TMEM170A: variants seen among roughly 807,000 people sequenced by gnomAD.
TMEM170A encodes transmembrane protein 170.
Under a neutral mutation model 12.8 loss-of-function variants are expected in TMEM170A, and 18 were observed. The ratio of observed to expected loss-of-function variants is 1.41; its 90% CI spans 0.97 to 2.09. The LOEUF (loss-of-function observed/expected upper bound fraction) is 2.09. TMEM170A is among the 30% of genes most tolerant of loss of function. The pLI is 0.00. For missense variants in TMEM170A, 220 were observed against 179.9 expected (o/e 1.22, Z -1.28); for synonymous variants, 107 against 76.2 (o/e 1.40, Z -2.11).
rs1022565869 is a variant in TMEM170A at position 75,464,679 on chromosome 16, G to A, written c.-79C>T. On this transcript the variant is annotated 5_prime_UTR_variant, in exon 1 of 3. Coordinates refer to ENST00000561878, the MANE Select transcript of TMEM170A (RefSeq NM_145254.3). Reference sequence around the variant, plus strand: ...CGGCCGGCGCCGACTCACCCTCGCCGCCTCAGCGTCACCTCCAGCCGGGGT... The same window carrying A: ...CGGCCGGCGCCGACTCACCCTCGCCACCTCAGCGTCACCTCCAGCCGGGGT... 45 of 1,504,944 alleles carry A rather than the reference G, an allele frequency of 3.0e-5. No homozygotes were observed. Among genetic ancestry groups the A allele is most frequent in the Non-Finnish European group, 3.7e-5 (42 of 1,134,550 alleles). 93.2% of individuals were successfully genotyped at this position (1,504,944 alleles called of 1,614,324 possible). A position where few individuals can be genotyped will look rare whatever the true frequency, so the allele number is the denominator to read the frequency against.
At position 75,464,641 on chromosome 16, in the gene TMEM170A, C is replaced by A; in HGVS notation, c.-41G>T. On this transcript the variant is annotated 5_prime_UTR_variant, in exon 1 of 3. Coordinates refer to ENST00000561878, the MANE Select transcript of TMEM170A (RefSeq NM_145254.3). ...CACAGAGAAATGAGGGACGAGCGCCCGAAGTGCGGTAGCGGCCGGCGCCGA... is the reference window on the plus strand; with the variant it reads ...CACAGAGAAATGAGGGACGAGCGCCAGAAGTGCGGTAGCGGCCGGCGCCGA... The A allele has an allele frequency of 6.4e-7, 1 of 1,551,552 alleles. No homozygotes were observed. The highest frequency in any genetic ancestry group is 8.7e-7 in the Non-Finnish European group (1 of 1,154,848).
chr16:75,453,743 G>A (rs1010099531), intron 1 of TMEM170A, among the ~76,000 whole-genome samples: 7 of 152,312 alleles, frequency 4.6e-5, no homozygotes, highest in Non-Finnish European at 8.8e-5. Context: ...AACAGTGCAG[G>A]TTAGGAGAGC....
intron 2 of TMEM170A, 99 bp from the exon 3 acceptor site, chr16:75,447,787 C>T (rs2079614023): frequency 7.6e-7 from 1 of 1,317,022 alleles, no homozygotes; most frequent in African/African-American, 1.5e-5. Context: ...GTAGAATGTT[C>T]CAGATTTTAT....
At chr16:75,451,491 G>A (rs868541192) in intron 2 of TMEM170A, 178 bp downstream of exon 2, 13 of 653,570 alleles carry the variant, frequency 2.0e-5, no homozygotes, top group Middle Eastern at 4.2e-4. Context: ...GGAGGCTGCA[G>A]TGAGCCAATA....
rs1454864191 is a variant in TMEM170A at position 75,444,506 on chromosome 16, A to G, written c.*3052T>C. 6.6e-6 allele frequency: 1 copy of G among 152,198 alleles called. No individual in the cohort carries two copies. Among genetic ancestry groups the G allele is most frequent in the Non-Finnish European group, 1.5e-5 (1 of 68,020 alleles). The allele number at this position is 152,198 out of a possible 1,614,324, so 9.4% of individuals were successfully genotyped here. A position where few individuals can be genotyped will look rare whatever the true frequency, so the allele number is the denominator to read the frequency against. On this transcript the variant is annotated 3_prime_UTR_variant, in exon 3 of 3. Coordinates refer to ENST00000561878, the MANE Select transcript of TMEM170A (RefSeq NM_145254.3). The stretch of plus-strand genomic sequence containing the variant: ...GCACAGCTGGGGGAGGATATTTCTA[A>G]GAAATCAGTTTTTGGCAAAAATTCT...
chr16:75,447,729 G>A (rs569865543), intron 2 of TMEM170A, 41 bp from the exon 3 acceptor site: 26 of 1,558,656 alleles, frequency 1.7e-5, no homozygotes, highest in African/African-American at 1.6e-4. Flanking sequence ...AACAAAAAAC[G>A]AAGGTTAACA....
Position 75,464,575 on chromosome 16 carries a change from C to T in TMEM170A, c.26G>A (p.Ser9Asn), listed in dbSNP as rs756987083. 6.3e-7 allele frequency: 1 copy of T among 1,586,882 alleles called. No individual in the cohort carries two copies. Among genetic ancestry groups the T allele is most frequent in the Non-Finnish European group, 8.6e-7 (1 of 1,169,574 alleles). MEREGSGG[S>N]GGSAGLLQQI... ...CTGCAGGAGCCCGGCCGACCCGCCG[C>T]TGCCGCCGCTCCCCTCGCGCTCCAT... The change falls in exon 1 of 3, where the codon AGC becomes AAC. Residue 9 changes from serine (S) to asparagine (N), a missense_variant. Transcript: ENST00000561878.
chr16:75,461,112 G>A (rs573938385), intron 1 of TMEM170A, among the ~76,000 whole-genome samples: 1 of 152,116 alleles, frequency 6.6e-6, no homozygotes, highest in African/African-American at 2.4e-5. Flanking sequence ...GGAGTGCAGT[G>A]GCATGATGTC....
chr16:75,452,920 T>C (rs921100964), intron 1 of TMEM170A, among the ~76,000 whole-genome samples: 6 of 152,202 alleles, frequency 3.9e-5, no homozygotes, highest in Non-Finnish European at 8.8e-5. Context: ...ACAAGAGTTT[T>C]GCACACACAT....
intron 2 of TMEM170A, among the ~76,000 whole-genome samples, chr16:75,448,632 C>T (rs1202919455): frequency 6.6e-6 from 1 of 151,950 alleles, no homozygotes; most frequent in Non-Finnish European, 1.5e-5. Context: ...AGTGTGGTGG[C>T]ACGTGCCTGT....
chr16:75,460,511 A>G (rs920964673), intron 1 of TMEM170A, among the ~76,000 whole-genome samples: 1 of 152,096 alleles, frequency 6.6e-6, no homozygotes, highest in Non-Finnish European at 1.5e-5. Context: ...CCTAGAACAC[A>G]TGCTCTTCCC....
Position 75,464,546 on chromosome 16 carries a change from T to G in TMEM170A, c.55A>C (p.Ile19Leu). ...CGCGGCACAACCTTCAGGCTCAGGA[T>G]CTGCTGCAGGAGCCCGGCCGACCCG... is the stretch of plus-strand genomic sequence containing the variant. ...SGGSAGLLQQ[I>L]LSLKVVPRVG... The change falls in exon 1 of 3, where the codon ATC becomes CTC. Residue 19 changes from isoleucine to leucine, a missense_variant. Ile to Leu is a conservative substitution (Grantham distance 5). Coordinates refer to ENST00000561878, the MANE Select transcript of TMEM170A (RefSeq NM_145254.3). 3.8e-6 allele frequency: 6 copies of G among 1,588,894 alleles called. No individual in the cohort carries two copies. Among genetic ancestry groups the G allele is most frequent in the Non-Finnish European group, 5.1e-6 (6 of 1,170,150 alleles).
rs1278128587 is a variant in TMEM170A, at chr16:75,454,892, C to A, written c.134-3053G>T. 3.9e-5 allele frequency among the ~76,000 whole-genome samples: 6 copies of A among 152,150 alleles called. No homozygotes were observed. In the East Asian group the frequency reaches 1.2e-3, roughly 29 times the overall value. On this transcript the variant is annotated intron_variant, in intron 1 of 2. Coordinates refer to ENST00000561878, the MANE Select transcript of TMEM170A (RefSeq NM_145254.3). ...GCCCTTGCTGCAACAATTTTACTTC[C>A]GGGGATACACCCCACAGAAAAGCAT... is the stretch of plus-strand genomic sequence containing the variant.
rs1597431785 is a variant in TMEM170A at position 75,446,809 on chromosome 16, A to C, written c.*749T>G. 4 of 152,326 alleles carry C rather than the reference A, an allele frequency of 2.6e-5. No individual in the cohort carries two copies. The highest frequency in any genetic ancestry group is 2.6e-4 in the Admixed American group (4 of 15,294). 9.4% of individuals were successfully genotyped at this position (152,326 alleles called of 1,614,324 possible). On this transcript the variant is annotated 3_prime_UTR_variant, in exon 3 of 3. Coordinates refer to ENST00000561878, the MANE Select transcript of TMEM170A (RefSeq NM_145254.3). ...AATGAAATAAAATTAAGAGAATTAA[A>C]AGTGATAGGGAAAGGTGGTACAGAA...
At position 75,461,821 on chromosome 16, in the gene TMEM170A, A is replaced by G. The variant is rs552141109; in HGVS notation, c.133+2647T>C. Among the ~76,000 whole-genome samples, 260 of 152,350 alleles carry G rather than the reference A, an allele frequency of 1.7e-3. 2 individuals carry two copies. Among genetic ancestry groups the G allele is most frequent in the Middle Eastern group, 6.8e-3 (2 of 294 alleles). Reference sequence around the variant, plus strand: ...AATCGACATCACAAGTTACATACCCATAACAGTAATCATAAACTCAAGAAC... The same window carrying G: ...AATCGACATCACAAGTTACATACCCGTAACAGTAATCATAAACTCAAGAAC... On this transcript the variant is annotated intron_variant, in intron 1 of 2. Coordinates refer to ENST00000561878, the MANE Select transcript of TMEM170A (RefSeq NM_145254.3).
intron 1 of TMEM170A, among the ~76,000 whole-genome samples, chr16:75,456,388 G>C (rs1371265789): frequency 6.6e-6 from 1 of 152,048 alleles, no homozygotes; most frequent in African/African-American, 2.4e-5. Flanking sequence ...AGGAGTTCCA[G>C]AACAGCCAGG....
intron 2 of TMEM170A, among the ~76,000 whole-genome samples, chr16:75,448,777 AC>A (rs1392209995): frequency 6.6e-6 from 1 of 151,194 alleles, no homozygotes; most frequent in Non-Finnish European, 1.5e-5. Flanking sequence ...AAAAAAAAGA[AC>A]CGGCCAAGTA....
chr16:75,443,676 A>G lies in TMEM170A; in HGVS notation c.*3882T>C, dbSNP rs988876687. ...TCCTCACCTAGTGTAAACATTTCAT[A>G]AGAAGTAATATTTTGTGGTCACAAA... On this transcript the variant is annotated 3_prime_UTR_variant, in exon 3 of 3. Coordinates refer to ENST00000561878, the MANE Select transcript of TMEM170A (RefSeq NM_145254.3). 2.6e-5 allele frequency: 4 copies of G among 152,274 alleles called. No homozygotes were observed. Among genetic ancestry groups the G allele is most frequent in the Non-Finnish European group, 5.9e-5 (4 of 68,048 alleles). 9.4% of individuals were successfully genotyped at this position (152,274 alleles called of 1,614,324 possible).
rs2079587411 is a variant in TMEM170A, at chr16:75,446,396, A to G, written c.*1162T>C. The G allele has an allele frequency of 6.6e-6, 1 of 152,222 alleles. No individual in the cohort carries two copies. The highest frequency in any genetic ancestry group is 2.4e-5 in the African/African-American group (1 of 41,466). 9.4% of individuals were successfully genotyped at this position (152,222 alleles called of 1,614,324 possible). On this transcript the variant is annotated 3_prime_UTR_variant, in exon 3 of 3. Coordinates refer to ENST00000561878, the MANE Select transcript of TMEM170A (RefSeq NM_145254.3). ...AAGTTAGGCAGTAGAATAAAAATTT[A>G]AATAGCTAAAATTAAGTTTTAAAAA...
Sources: allele counts gnomAD v4.1 joint callset (sites outside exome capture counted in the v4.1 genomes callset), GRCh38; gene constraint gnomAD v4.1.1; transcripts MANE v1.5; gene names NCBI Gene and HGNC (gene_info 2026-07-23, HGNC 2026-07-21).